The following RBM47 variants were observed in gnomAD, a reference collection of about 807,000 sequenced individuals.
The protein encoded by RBM47 is RNA binding motif protein 47.
RBM47 carries 21 observed loss-of-function variants against 47.1 expected under a neutral mutation model. The observed-to-expected ratio is 0.45, with a 90% CI of 0.32 to 0.64. The LOEUF (loss-of-function observed/expected upper bound fraction) is 0.64, where lower values mean the gene tolerates loss of function less well. RBM47 is among the 30% of genes least tolerant of loss of function. The pLI is 0.05. For missense variants in RBM47, 708 were observed against 870.9 expected (o/e 0.81, Z 2.35); for synonymous variants, 375 against 361.7 (o/e 1.04, Z -0.42).
intron 1 of RBM47, among the ~76,000 whole-genome samples, chr4:40,545,655 G>C (rs1030920016): frequency 1.3e-5 from 1 of 78,748 alleles, no homozygotes; most frequent in Non-Finnish European, 2.7e-5. Flanking sequence ...CAAGAGCAAG[G>C]CTCCTTCTCA....
At chr4:40,442,241 A>G (rs1713761844) in intron 3 of RBM47, among the ~76,000 whole-genome samples, 2 of 152,344 alleles carry the variant, frequency 1.3e-5, no homozygotes, top group Admixed American at 1.3e-4. Context: ...ACATTGATTA[A>G]TGCAATATCC....
intron 1 of RBM47, among the ~76,000 whole-genome samples, chr4:40,580,272 C>T (rs900988342): frequency 2.0e-5 from 3 of 151,630 alleles, no homozygotes; most frequent in African/African-American, 4.8e-5. Context: ...TGCTTGAATC[C>T]TTTCCACTGT....
chr4:40,514,276 G>A (rs370166578), intron 2 of RBM47, among the ~76,000 whole-genome samples: 5 of 152,052 alleles, frequency 3.3e-5, no homozygotes, highest in African/African-American at 1.2e-4. Flanking sequence ...GCACAAGTAG[G>A]TTTTCCACTT....
rs532521563 is a variant in RBM47, at chr4:40,614,699, C to T, written c.-240+14697G>A. The stretch of plus-strand genomic sequence containing the variant: ...AAAAAAAAAAAATTAACTGAGCTGG[C>T]ATACACTTGCAGTCCCAGCTACTGA... On this transcript the variant is annotated intron_variant, in intron 1 of 6. Coordinates refer to ENST00000295971, the MANE Select transcript of RBM47 (RefSeq NM_001098634.2). Among the ~76,000 whole-genome samples, 11 of 151,926 alleles carry T rather than the reference C, an allele frequency of 7.2e-5. No individual in the cohort carries two copies. The South Asian group carries it at 2.1e-3, about 29-fold the overall frequency.
intron 6 of RBM47, among the ~76,000 whole-genome samples, chr4:40,428,576 A>T (rs1242643791): frequency 2.6e-5 from 4 of 152,184 alleles, no homozygotes; most frequent in Non-Finnish European, 5.9e-5. Flanking sequence ...AACCAGTGCA[A>T]AAAGGGAGAG....
chr4:40,627,030 T>C (rs1467625533), intron 1 of RBM47, among the ~76,000 whole-genome samples: 1 of 152,226 alleles, frequency 6.6e-6, no homozygotes, highest in Non-Finnish European at 1.5e-5. Context: ...AAGCCACTAC[T>C]TGGAGCAGTA....
chr4:40,486,006 A>G (rs59477996), intron 2 of RBM47, among the ~76,000 whole-genome samples: 2 of 147,422 alleles, frequency 1.4e-5, no homozygotes, highest in African/African-American at 5.0e-5. Context: ...GGAAGCTCCA[A>G]CTGTAGTGAG....
intron 2 of RBM47, among the ~76,000 whole-genome samples, chr4:40,486,437 C>T (rs1721099053): frequency 6.6e-6 from 1 of 152,164 alleles, no homozygotes; most frequent in Non-Finnish European, 1.5e-5. Flanking sequence ...CAACTCTATT[C>T]AAATCAAACT....
In RBM47 at chr4:40,524,392, C is replaced by A. The variant is rs527986585; in HGVS notation, c.-155+20030G>T. On this transcript the variant is annotated intron_variant, in intron 2 of 6. Coordinates refer to ENST00000295971, the MANE Select transcript of RBM47 (RefSeq NM_001098634.2). Reference sequence around the variant, plus strand: ...GTACCTATTAGGCTTACACTGAACCCTGAATAAATGAGATTTCTAAAGATG... The same window carrying A: ...GTACCTATTAGGCTTACACTGAACCATGAATAAATGAGATTTCTAAAGATG... 7.2e-5 allele frequency among the ~76,000 whole-genome samples: 11 copies of A among 152,300 alleles called. No individual in the cohort carries two copies. The South Asian group carries it at 2.3e-3, about 32-fold the overall frequency.
intron 2 of RBM47, among the ~76,000 whole-genome samples, chr4:40,478,468 A>G (rs1214865585): frequency 6.6e-6 from 1 of 152,206 alleles, no homozygotes; most frequent in Non-Finnish European, 1.5e-5. Context: ...AAAAAAGTAC[A>G]GACGCAAAAC....
At chr4:40,562,519 G>A (rs1198874858) in intron 1 of RBM47, among the ~76,000 whole-genome samples, 1 of 144,390 alleles carries the variant, frequency 6.9e-6, no homozygotes, top group African/African-American at 2.6e-5. Flanking sequence ...AGGCTAGAGT[G>A]CACTGGTGCG....
intron 1 of RBM47, among the ~76,000 whole-genome samples, chr4:40,552,991 G>A (rs1273835338): frequency 7.4e-5 from 11 of 149,518 alleles, no homozygotes; most frequent in African/African-American, 2.5e-4. Flanking sequence ...TTTTTGAGAC[G>A]GAGTCTCACG....
intron 1 of RBM47, among the ~76,000 whole-genome samples, chr4:40,623,123 G>T (rs1737418865): frequency 6.6e-6 from 1 of 152,144 alleles, no homozygotes; most frequent in South Asian, 2.1e-4. Context: ...TCCCACCGGA[G>T]AAGTGACTCC....
chr4:40,496,349 CA>C (rs1198009161), intron 2 of RBM47, among the ~76,000 whole-genome samples: 2 of 151,948 alleles, frequency 1.3e-5, no homozygotes, highest in Admixed American at 6.6e-5. Flanking sequence ...CACACACACA[CA>C]CACACACACA....
chr4:40,553,975 C>T (rs570827030), intron 1 of RBM47, among the ~76,000 whole-genome samples: 2 of 152,092 alleles, frequency 1.3e-5, no homozygotes, highest in Non-Finnish European at 1.5e-5. Context: ...AAACTGAGTA[C>T]GCAAGTGCAG....
intron 1 of RBM47, among the ~76,000 whole-genome samples, chr4:40,617,818 G>C (rs891663609): frequency 1.3e-5 from 2 of 149,864 alleles, no homozygotes; most frequent in African/African-American, 4.9e-5. Flanking sequence ...CCCCATTACA[G>C]TTTCCTATAC....
intron 1 of RBM47, among the ~76,000 whole-genome samples, chr4:40,607,076 T>G (rs1307110095): frequency 6.6e-6 from 1 of 152,082 alleles, no homozygotes. Context: ...AAAAATCTAT[T>G]TATTCAAAGT....
At chr4:40,562,380 T>C (rs1478854322) in intron 1 of RBM47, among the ~76,000 whole-genome samples, 1 of 152,006 alleles carries the variant, frequency 6.6e-6, no homozygotes, top group Non-Finnish European at 1.5e-5. Flanking sequence ...ATCATTCTAC[T>C]GTGAAATACA....
rs576029336 is a variant in RBM47, at chr4:40,493,660, T to C, written c.-154-26961A>G. Among the ~76,000 whole-genome samples the C allele has an allele frequency of 1.8e-3, 278 of 151,742 alleles. 1 individual carries two copies. The highest frequency in any genetic ancestry group is 3.3e-3 in the Non-Finnish European group (221 of 67,962). ...TTAGCCAGGCGTGGTGGTGGGCACATGTAATCCCAGCTACTTGGGAGGCTG... is the reference window on the plus strand; with the variant it reads ...TTAGCCAGGCGTGGTGGTGGGCACACGTAATCCCAGCTACTTGGGAGGCTG... On this transcript the variant is annotated intron_variant, in intron 2 of 6. Coordinates refer to ENST00000295971, the MANE Select transcript of RBM47 (RefSeq NM_001098634.2).
Sources: gnomAD v4.1 joint callset for allele counts (sites outside exome capture counted in the v4.1 genomes callset) on GRCh38, gnomAD v4.1.1 for gene constraint, MANE v1.5 for transcripts, NCBI Gene and HGNC (gene_info 2026-07-23, HGNC 2026-07-21) for gene names.